The following SETBP1 variants were observed in gnomAD, a reference collection of about 807,000 sequenced individuals.
The protein encoded by SETBP1 is SET binding protein 1.
Under a neutral mutation model 101.0 loss-of-function variants are expected in SETBP1, and 9 were observed. The observed-to-expected ratio is 0.09, with a 90% CI of 0.05 to 0.16. SETBP1 has a LOEUF of 0.16. Ranked by LOEUF, SETBP1 falls within the 10% of genes least tolerant of loss-of-function variation. SETBP1 has a pLI of 1.00. For synonymous variants in SETBP1, 818 were observed against 788.5 expected (o/e 1.04, Z -0.63); for missense variants, 1,858 against 2,033.8 (o/e 0.91, Z 1.66).
At chr18:44,680,633 G>C (rs980149873), upstream of SETBP1, among the ~76,000 whole-genome samples, 3 of 152,192 alleles carry the variant, frequency 2.0e-5, no homozygotes, top group South Asian at 2.1e-4. Flanking sequence ...GGGCCGGCGG[G>C]TGGGCGGCGA....
chr18:44,759,870 CA>C (rs1480101482), intron 2 of SETBP1, among the ~76,000 whole-genome samples: 7 of 152,146 alleles, frequency 4.6e-5, no homozygotes, highest in African/African-American at 9.7e-5. Flanking sequence ...CAAAAAACTC[CA>C]AAAAACTGAC....
chr18:44,756,892 T>C (rs542375371), intron 2 of SETBP1, among the ~76,000 whole-genome samples: 1 of 152,290 alleles, frequency 6.6e-6, no homozygotes, highest in Non-Finnish European at 1.5e-5. Context: ...GAGGACATGC[T>C]TAGGAGAGCA....
chr18:45,028,008 A>C (rs915257412), intron 4 of SETBP1, among the ~76,000 whole-genome samples: 2 of 151,520 alleles, frequency 1.3e-5, no homozygotes, highest in African/African-American at 2.4e-5. Context: ...TTTTTATTTT[A>C]TTTTATTTTA....
chr18:44,727,524 G>A (rs1464939115), intron 2 of SETBP1, among the ~76,000 whole-genome samples: 1 of 152,156 alleles, frequency 6.6e-6, no homozygotes, highest in Non-Finnish European at 1.5e-5. Flanking sequence ...GTCTATGTAT[G>A]AGCCCTGTAG....
chr18:44,689,786 G>C (rs552470381), intron 1 of SETBP1, among the ~76,000 whole-genome samples: 18 of 152,328 alleles, frequency 1.2e-4, no homozygotes, highest in African/African-American at 4.3e-4. Context: ...GGAATGTAGA[G>C]GGAGAAAGGA....
intron 3 of SETBP1, among the ~76,000 whole-genome samples, chr18:44,906,034 G>A (rs553631817): frequency 5.9e-5 from 9 of 152,156 alleles, no homozygotes; most frequent in East Asian, 5.8e-4. Context: ...ATTTCCTATG[G>A]CCCAGCAGCA....
intron 5 of SETBP1, among the ~76,000 whole-genome samples, chr18:45,041,120 C>A (rs2073499778): frequency 6.6e-6 from 1 of 152,216 alleles, no homozygotes; most frequent in Non-Finnish European, 1.5e-5. Context: ...GATTGGAACC[C>A]AAATTTCCTG....
intron 2 of SETBP1, among the ~76,000 whole-genome samples, chr18:44,709,455 G>A (rs1404210574): frequency 1.3e-5 from 2 of 152,204 alleles, no homozygotes; most frequent in Non-Finnish European, 2.9e-5. Flanking sequence ...GAGACAGCCT[G>A]CATAATCTTA....
At chr18:44,838,622 C>T (rs2072545705) in intron 2 of SETBP1, among the ~76,000 whole-genome samples, 1 of 152,182 alleles carries the variant, frequency 6.6e-6, no homozygotes, top group Non-Finnish European at 1.5e-5. Context: ...CAGTTTACTC[C>T]AAGGCCCTGC....
chr18:44,781,065 T>G (rs1267220341), intron 2 of SETBP1, among the ~76,000 whole-genome samples: 1 of 152,048 alleles, frequency 6.6e-6, no homozygotes, highest in Non-Finnish European at 1.5e-5. Context: ...GCAAGGCAAG[T>G]GGGCAGGCTG....
At chr18:45,014,464 C>T (rs1792798340) in intron 4 of SETBP1, among the ~76,000 whole-genome samples, 1 of 152,142 alleles carries the variant, frequency 6.6e-6, no homozygotes, top group Non-Finnish European at 1.5e-5. Flanking sequence ...TCAATTTAAG[C>T]CCATACAGCC....
intron 4 of SETBP1, among the ~76,000 whole-genome samples, chr18:44,965,284 A>AACACACACAC (rs60728043): frequency 0.014 from 2,012 of 147,100 alleles, 19 homozygotes; most frequent in Middle Eastern, 0.021. Context: ...CATGCACACA[A>AACACACACAC]ACACACACAC....
At chr18:44,699,807 C>T (rs2069085076) in intron 1 of SETBP1, among the ~76,000 whole-genome samples, 1 of 152,222 alleles carries the variant, frequency 6.6e-6, no homozygotes, top group South Asian at 2.1e-4. Flanking sequence ...TCCTGGCTGG[C>T]TTCCTCACAG....
At chr18:44,842,403 G>C (rs1468144687) in intron 2 of SETBP1, among the ~76,000 whole-genome samples, 1 of 152,168 alleles carries the variant, frequency 6.6e-6, no homozygotes, top group Non-Finnish European at 1.5e-5. Context: ...ACCGTAAATT[G>C]TCAAATTTTA....
rs553001707 is a variant in SETBP1 at position 45,016,808 on chromosome 18, C to T, written c.4001-21677C>T. ...ACCCCCACCCCTACCTCCCCACCTC[C>T]CCACCTCCTATTCCCCGGAGGGCCA... On this transcript the variant is annotated intron_variant, in intron 4 of 5. Coordinates refer to ENST00000649279, the MANE Select transcript of SETBP1 (RefSeq NM_015559.3). Among the ~76,000 whole-genome samples, 43 of 151,348 alleles carry T rather than the reference C, an allele frequency of 2.8e-4. No individual in the cohort carries two copies. In the East Asian group the frequency reaches 8.3e-3, roughly 29 times the overall value.
chr18:44,899,820 T>C (rs2069998969), intron 3 of SETBP1, among the ~76,000 whole-genome samples: 1 of 152,152 alleles, frequency 6.6e-6, no homozygotes, highest in Non-Finnish European at 1.5e-5. Context: ...TACAAAAATA[T>C]ATATTAAATG....
intron 4 of SETBP1, among the ~76,000 whole-genome samples, chr18:45,004,182 C>A (rs1370335874): frequency 2.0e-5 from 3 of 152,208 alleles, no homozygotes; most frequent in Non-Finnish European, 4.4e-5. Flanking sequence ...TAGGTGTGAA[C>A]ATAGCCCCGG....
At chr18:44,710,451 T>G (rs1453247242) in intron 2 of SETBP1, among the ~76,000 whole-genome samples, 4 of 1,180 alleles carry the variant, frequency 3.4e-3, no homozygotes, top group Non-Finnish European at 3.5e-3. Flanking sequence ...ATTTTAGGAG[T>G]TTTTTTTTTT....
intron 1 of SETBP1, among the ~76,000 whole-genome samples, chr18:44,681,272 C>A (rs1203381624): frequency 6.6e-6 from 1 of 152,142 alleles, no homozygotes; most frequent in Admixed American, 6.5e-5. Flanking sequence ...GAAAGGGAAC[C>A]CTTCGGTATC....
Sources: gnomAD v4.1 joint callset for allele counts (sites outside exome capture counted in the v4.1 genomes callset) on GRCh38, gnomAD v4.1.1 for gene constraint, MANE v1.5 for transcripts, NCBI Gene and HGNC (gene_info 2026-07-23, HGNC 2026-07-21) for gene names.